Variants in PRKCH observed in about 807,000 individuals in gnomAD.
PRKCH encodes protein kinase C eta, also known as protein kinase C eta type.
A neutral mutation model predicts 82.5 loss-of-function variants in PRKCH; 28 were observed. That is an observed-to-expected ratio of 0.34 (90% CI 0.25 to 0.47). The LOEUF is 0.47. Among genes scored for constraint, PRKCH ranks in the 20% least tolerant of loss-of-function variants. The probability of loss-of-function intolerance (pLI) is 1.00; values close to 1 mark genes in which losing one functional copy is unlikely to be tolerated. For missense variants in PRKCH, 705 were observed against 881.8 expected, an observed-to-expected ratio of 0.80 and a Z score of 2.54; for synonymous variants, 322 against 327.4, an observed-to-expected ratio of 0.98 and a Z score of 0.18.
At chr14:61,519,873 TA>T (rs35383143) in intron 10 of PRKCH, among the ~76,000 whole-genome samples, 35,867 of 142,874 alleles carry the variant, frequency 0.25, 4,498 homozygotes, top group African/African-American at 0.36. Flanking sequence ...ATTTCTGTGG[TA>T]AAAAAAAAAA....
Position 61,365,020 on chromosome 14 carries a change from G to A in PRKCH, c.364-26205G>A, listed in dbSNP as rs528503341. On this transcript the variant is annotated intron_variant, in intron 1 of 13. Coordinates refer to ENST00000332981, the MANE Select transcript of PRKCH (RefSeq NM_006255.5). ...CAAGGTAGAGCAGTTTGAGGGAGTG[G>A]CCATGGGAATGGCTGAGAGAAGTGG... 7.0e-4 allele frequency among the ~76,000 whole-genome samples: 106 copies of A among 152,112 alleles called. 1 individual carries two copies. The highest frequency in any genetic ancestry group is 1.4e-3 in the Non-Finnish European group (97 of 68,020).
intron 2 of PRKCH, among the ~76,000 whole-genome samples, chr14:61,424,765 G>A (rs1193592871): frequency 6.6e-6 from 1 of 152,228 alleles, no homozygotes; most frequent in Non-Finnish European, 1.5e-5. Context: ...GGCATGTGAA[G>A]GACTTTTGCA....
rs148195880 is a variant in PRKCH, at chr14:61,353,102, G to A, written c.363+30638G>A. 2.9e-4 allele frequency among the ~76,000 whole-genome samples: 44 copies of A among 152,280 alleles called. 1 individual carries two copies. The highest frequency in any genetic ancestry group is 1.0e-3 in the African/African-American group (42 of 41,558). On this transcript the variant is annotated intron_variant, in intron 1 of 13. Transcript: ENST00000332981. ...TTTGACAACAAATGTTACAAAATTT[G>A]TTTGGGTTTTGAAACTTTTTGAATA...
rs144243440 is a variant in PRKCH, at chr14:61,459,714, G to A, written c.1278+2035G>A. Among the ~76,000 whole-genome samples, 12 of 152,186 alleles carry A rather than the reference G, an allele frequency of 7.9e-5. No homozygotes were observed. In the East Asian group the frequency reaches 1.2e-3, roughly 15 times the overall value. ...TCTCCGAAAGAAACAAGTATTGCTC[G>A]TTTTATTTATAGCCTTTGAGAGAAT... is the stretch of plus-strand genomic sequence containing the variant. On this transcript the variant is annotated intron_variant, in intron 9 of 13. Coordinates refer to ENST00000332981, the MANE Select transcript of PRKCH (RefSeq NM_006255.5).
At position 61,414,679 on chromosome 14, in the gene PRKCH, T is replaced by C. The variant is rs563213847; in HGVS notation, c.427+23391T>C. Reference sequence around the variant, plus strand: ...TATATTTAGTAGAGACGGGGTTTCATCATGCTGGCTGGGCTGGTCTTGAAC... The same window carrying C: ...TATATTTAGTAGAGACGGGGTTTCACCATGCTGGCTGGGCTGGTCTTGAAC... On this transcript the variant is annotated intron_variant, in intron 2 of 13. Transcript: ENST00000332981. Among the ~76,000 whole-genome samples, 7 of 149,084 alleles carry C rather than the reference T, an allele frequency of 4.7e-5. No homozygotes were observed. In the East Asian group the frequency reaches 1.4e-3, roughly 29 times the overall value.
At chr14:61,211,892 G>A (rs1352885597) in intron 1 of PRKCH, among the ~76,000 whole-genome samples, 1 of 152,198 alleles carries the variant, frequency 6.6e-6, no homozygotes, top group Non-Finnish European at 1.5e-5. Context: ...ACCTGCCACA[G>A]TCCTAGCCAA....
In PRKCH at chr14:61,280,072, G is replaced by A; in HGVS notation, c.-19+92404G>A. The A allele has an allele frequency of 6.3e-7, 1 of 1,586,150 alleles. No homozygotes were observed. The highest frequency in any genetic ancestry group is 8.6e-7 in the Non-Finnish European group (1 of 1,165,952). On this transcript the variant is annotated intron_variant, in intron 1 of 3. Coordinates refer to the PRKCH transcript ENST00000555185. This position sits in a 1 kb window ranked among gnomAD's most constrained non-coding sequence, Gnocchi z 5.0. ...CAAGAGTTTTGGCAAGAAGCAGGAG[G>A]GATCCCTGGAAAGCCGGAATCACTC...
chr14:61,206,151 T>G (rs1225790276), intron 1 of PRKCH, among the ~76,000 whole-genome samples: 1 of 152,232 alleles, frequency 6.6e-6, no homozygotes, highest in Non-Finnish European at 1.5e-5. Flanking sequence ...CAAGTTCAGT[T>G]TATTTCTATA....
rs1409821663 is a variant in PRKCH, at chr14:61,281,167, A to T, written c.-19+93499A>T. On this transcript the variant is annotated intron_variant, in intron 1 of 3. Transcript: ENST00000555185. ...GGTCATGGCGGCCGCGCGGGGACCG[A>T]CGCGCGGGCTGACCGAGTGGGGGCC... 8 of 1,294,518 alleles carry T rather than the reference A, an allele frequency of 6.2e-6. No homozygotes were observed. In the East Asian group the frequency reaches 2.2e-4, roughly 36 times the overall value. The allele number at this position is 1,294,518 out of a possible 1,614,324, so 80.2% of individuals were successfully genotyped here.
chr14:61,548,211 A>G (rs2043283995), intron 13 of PRKCH, among the ~76,000 whole-genome samples: 1 of 152,258 alleles, frequency 6.6e-6, no homozygotes, highest in African/African-American at 2.4e-5. Context: ...TAATTGAGAA[A>G]GTCATTGTTC....
rs1048802922 is a variant in PRKCH at position 61,414,350 on chromosome 14, A to G, written c.427+23062A>G. On this transcript the variant is annotated intron_variant, in intron 2 of 13. Coordinates refer to ENST00000332981, the MANE Select transcript of PRKCH (RefSeq NM_006255.5). ...TGTAGTGGTGTGACCTTGGCTCACT[A>G]CATCCTCCGCCTCCCAGGTTCAAGC... Among the ~76,000 whole-genome samples the G allele has an allele frequency of 5.4e-5, 8 of 149,210 alleles. 1 individual carries two copies. The highest frequency in any genetic ancestry group is 6.7e-5 in the Admixed American group (1 of 14,884).
chr14:61,194,276 C>T (rs1177235136), intron 1 of PRKCH, among the ~76,000 whole-genome samples: 3 of 152,170 alleles, frequency 2.0e-5, no homozygotes, highest in African/African-American at 7.2e-5. Context: ...AAGCCCATTG[C>T]TATGGTTTGA....
intron 9 of PRKCH, among the ~76,000 whole-genome samples, chr14:61,477,641 T>C (rs1885784968): frequency 6.6e-6 from 1 of 152,172 alleles, no homozygotes; most frequent in South Asian, 2.1e-4. Context: ...AAAATATGAA[T>C]TACCAGTCAG....
intron 1 of PRKCH, among the ~76,000 whole-genome samples, chr14:61,350,267 G>C (rs1429107875): frequency 6.6e-6 from 1 of 152,174 alleles, no homozygotes; most frequent in African/African-American, 2.4e-5. Flanking sequence ...ATACTTGAAA[G>C]CACGCTTGCT....
chr14:61,393,128 A>G (rs928108745), intron 2 of PRKCH, among the ~76,000 whole-genome samples: 4 of 151,908 alleles, frequency 2.6e-5, no homozygotes, highest in African/African-American at 9.7e-5. Context: ...TCTTTTCTCT[A>G]CATTATGCCA....
At chr14:61,403,720 GA>G (rs1881788433) in intron 2 of PRKCH, among the ~76,000 whole-genome samples, 1 of 152,142 alleles carries the variant, frequency 6.6e-6, no homozygotes, top group Non-Finnish European at 1.5e-5. Flanking sequence ...AAGATCCATG[GA>G]CAGAGCCTCA....
intron 10 of PRKCH, among the ~76,000 whole-genome samples, chr14:61,527,504 T>C (rs2042982460): frequency 1.3e-5 from 2 of 152,172 alleles, no homozygotes; most frequent in Admixed American, 6.5e-5. Context: ...AACTCCTTAT[T>C]TTCCATTCCA....
At chr14:61,235,010 C>T (rs1402615773) in intron 1 of PRKCH, among the ~76,000 whole-genome samples, 2 of 152,212 alleles carry the variant, frequency 1.3e-5, no homozygotes, top group East Asian at 3.8e-4. Context: ...GCATGACCCC[C>T]GTATCCACTC....
intron 12 of PRKCH, among the ~76,000 whole-genome samples, chr14:61,546,246 G>T (rs1229715027): frequency 2.6e-5 from 4 of 152,166 alleles, no homozygotes; most frequent in Non-Finnish European, 5.9e-5. Flanking sequence ...CTTATAATAT[G>T]CATCTCCTGA....
Sources: allele counts gnomAD v4.1 joint callset (sites outside exome capture counted in the v4.1 genomes callset), GRCh38; gene constraint gnomAD v4.1.1; non-coding constraint Gnocchi (gnomAD v3.1); transcripts MANE v1.5; gene names NCBI Gene and HGNC (gene_info 2026-07-23, HGNC 2026-07-21).